OSBPL9: variants seen among roughly 807,000 people sequenced by gnomAD.
OSBPL9 encodes oxysterol-binding protein-related protein 9.
Under a neutral mutation model 106.6 loss-of-function variants are expected in OSBPL9, and 40 were observed. That is an observed-to-expected ratio of 0.38 (90% CI 0.29 to 0.49). OSBPL9 has a LOEUF of 0.49. OSBPL9 is among the 20% of genes least tolerant of loss of function. The pLI is 0.97. For missense variants in OSBPL9, 609 were observed against 887.2 expected, an observed-to-expected ratio of 0.69 and a Z score of 3.98; for synonymous variants, 269 against 295.4, an observed-to-expected ratio of 0.91 and a Z score of 0.92.
intron 13 of OSBPL9, 69 bp downstream of exon 13, chr1:51,772,251 G>A: frequency 7.6e-7 from 1 of 1,312,424 alleles, no homozygotes; most frequent in Non-Finnish European, 1.1e-6. Flanking sequence ...GGTGGCTCAT[G>A]CCGTAATCCC....
chr1:51,534,875 A>G, the OSBPL9 span, among the ~76,000 whole-genome samples: 7 of 152,224 alleles, frequency 4.6e-5, no homozygotes, highest in African/African-American at 1.4e-4. Flanking sequence ...AAGGGGCTCT[A>G]TTCATCCTCC....
rs1208948861 is a variant in OSBPL9 at position 51,789,164 on chromosome 1, C to CT, written c.*1376dup. ...TGGAAGCCCTAAGGCAGTAGTATAA[C>CT]TAACTCCATAAAATACAAACAAACA... On this transcript the variant is annotated 3_prime_UTR_variant, in exon 24 of 24. Coordinates refer to ENST00000428468, the MANE Select transcript of OSBPL9 (RefSeq NM_024586.6). The CT allele has an allele frequency of 2.1e-6, 3 of 1,417,046 alleles. No individual in the cohort carries two copies. Among genetic ancestry groups the CT allele is most frequent in the Non-Finnish European group, 3.0e-6 (3 of 1,003,294 alleles). The allele number at this position is 1,417,046 out of a possible 1,614,324, so 87.8% of individuals were successfully genotyped here.
chr1:51,611,381 A>T (rs537169382), intron 2 of OSBPL9, among the ~76,000 whole-genome samples: 1 of 152,306 alleles, frequency 6.6e-6, no homozygotes, highest in East Asian at 1.9e-4. Flanking sequence ...TTTTTCCTTA[A>T]TAAAACAACA....
intron 3 of OSBPL9, among the ~76,000 whole-genome samples, chr1:51,701,935 A>G (rs1657368883): frequency 2.0e-5 from 3 of 152,094 alleles, no homozygotes; most frequent in Admixed American, 1.3e-4. Context: ...GCTGAGAATG[A>G]TGGTTTCCAG....
intron 7 of OSBPL9, among the ~76,000 whole-genome samples, chr1:51,749,916 A>G (rs936467241): frequency 1.3e-5 from 2 of 151,634 alleles, no homozygotes; most frequent in African/African-American, 4.8e-5. Context: ...GATATTATTT[A>G]GTATAAATTA....
intron 14 of OSBPL9, among the ~76,000 whole-genome samples, chr1:51,773,162 TG>T (rs1321434241): frequency 2.6e-5 from 4 of 152,194 alleles, no homozygotes. Flanking sequence ...GTGACATATT[TG>T]TGACCTCTGT....
chr1:51,785,856 T>A lies in OSBPL9; in HGVS notation c.1878T>A (p.Asn626Lys). The change falls in exon 21 of 24, where the codon AAT becomes AAA. Residue 626 changes from asparagine (N) to lysine (K), a missense_variant. By Grantham distance (94) the Asn-to-Lys change is moderately conservative. This residue lies in a region of OSBPL9 where 132 missense variants were observed against 158.1 expected (regional missense o/e 0.83). Transcript: ENST00000428468. ...TTTGCTCAATTGAAGGGGAATGGAA[T>A]GGTGTGATGTATGCAAAATATGCAA... Reference protein sequence around the residue: ...KSFCSIEGEWNGVMYAKYATG... With the variant: ...KSFCSIEGEWKGVMYAKYATG... 6.2e-7 allele frequency: 1 copy of A among 1,610,350 alleles called. No individual in the cohort carries two copies. Among genetic ancestry groups the A allele is most frequent in the Non-Finnish European group, 8.5e-7 (1 of 1,179,288 alleles).
At chr1:51,617,793 CTA>C (rs898558388) in intron 1 of OSBPL9, among the ~76,000 whole-genome samples, 9 of 152,148 alleles carry the variant, frequency 5.9e-5, no homozygotes, top group Non-Finnish European at 1.3e-4. Context: ...ACGCACCCCT[CTA>C]TTTAGCGGGA....
intron 1 of OSBPL9, chr1:51,598,031 G>A (rs1482566659): frequency 1.3e-5 from 2 of 152,234 alleles, no homozygotes; most frequent in African/African-American, 4.8e-5. Context: ...CACAGAGGCA[G>A]AGAGATGTAC....
chr1:51,647,241 C>T (rs1325130051), intron 1 of OSBPL9, among the ~76,000 whole-genome samples: 1 of 152,036 alleles, frequency 6.6e-6, no homozygotes, highest in Non-Finnish European at 1.5e-5. Flanking sequence ...GTTTCTTATA[C>T]GTTGACTCAA....
chr1:51,783,360 T>A (rs1440184044), intron 17 of OSBPL9, among the ~76,000 whole-genome samples: 2 of 151,130 alleles, frequency 1.3e-5, no homozygotes, highest in Non-Finnish European at 1.5e-5. Flanking sequence ...TTTTTTTTTT[T>A]TTTTTTTTAG....
At chr1:51,633,186 T>G (rs957803527) in intron 1 of OSBPL9, among the ~76,000 whole-genome samples, 1 of 151,762 alleles carries the variant, frequency 6.6e-6, no homozygotes, top group African/African-American at 2.4e-5. Flanking sequence ...CTTGAACTCC[T>G]GACCTCAGGC....
chr1:51,783,553 C>T (rs1676900583), intron 17 of OSBPL9, among the ~76,000 whole-genome samples: 1 of 152,136 alleles, frequency 6.6e-6, no homozygotes. Context: ...GGAGGGTCAA[C>T]TGTACATACC....
intron 3 of OSBPL9, among the ~76,000 whole-genome samples, chr1:51,705,417 T>A (rs1356467051): frequency 1.7e-4 from 20 of 115,972 alleles, no homozygotes; most frequent in African/African-American, 6.4e-4. Flanking sequence ...TTTTTTTTTT[T>A]TTTTTTTTTT....
chr1:51,712,653 TAAAAA>T (rs969370692), intron 3 of OSBPL9, among the ~76,000 whole-genome samples: 39 of 152,012 alleles, frequency 2.6e-4, no homozygotes, highest in African/African-American at 8.7e-4. Flanking sequence ...ACCCTAAAAA[TAAAAA>T]AGGAAAAAAT....
chr1:51,588,486 C>G lies in OSBPL9; in HGVS notation c.-422-9638C>G. On this transcript the variant is annotated intron_variant, in intron 1 of 25. Transcript: ENST00000371714. Reference sequence around the variant, plus strand: ...CCAGTCTGGGCCACATAGCAAGACCCCTGTCTCTACTAAAAATTAAAAAAT... The same window carrying G: ...CCAGTCTGGGCCACATAGCAAGACCGCTGTCTCTACTAAAAATTAAAAAAT... 1.3e-5 allele frequency among the ~76,000 whole-genome samples: 2 copies of G among 152,102 alleles called. 1 individual carries two copies. Among genetic ancestry groups the G allele is most frequent in the Non-Finnish European group, 2.9e-5 (2 of 68,026 alleles).
At chr1:51,746,219 G>A (rs1667948978) in intron 5 of OSBPL9, among the ~76,000 whole-genome samples, 1 of 152,172 alleles carries the variant, frequency 6.6e-6, no homozygotes, top group African/African-American at 2.4e-5. Context: ...TGGGATTACA[G>A]GTGTGAGTCA....
At chr1:51,634,588 C>T (rs1645305294) in intron 1 of OSBPL9, among the ~76,000 whole-genome samples, 2 of 152,088 alleles carry the variant, frequency 1.3e-5, no homozygotes, top group South Asian at 2.1e-4. Context: ...AAATATGAGA[C>T]TCAAAGAAAG....
chr1:51,779,693 GA>G (rs530655628), intron 15 of OSBPL9, among the ~76,000 whole-genome samples: 72 of 149,550 alleles, frequency 4.8e-4, no homozygotes, highest in Non-Finnish European at 8.3e-4. Context: ...AGATCAGGAA[GA>G]AAAAAAAACA....
Sources: gnomAD v4.1 joint callset for allele counts (sites outside exome capture counted in the v4.1 genomes callset) on GRCh38, gnomAD v4.1.1 for gene constraint, gnomAD v4.1.1 regional missense constraint, MANE v1.5 for transcripts, NCBI Gene and HGNC (gene_info 2026-07-23, HGNC 2026-07-21) for gene names.